PGBD5: variants seen among roughly 807,000 people sequenced by gnomAD.
The protein encoded by PGBD5 is piggyBac transposable element-derived protein 5.
In PGBD5, 14 loss-of-function variants were observed where a neutral mutation model predicts 47.9. The observed-to-expected ratio is 0.29, with a 90% CI of 0.19 to 0.46. The LOEUF is 0.46. Ranked by LOEUF, PGBD5 falls within the 20% of genes least tolerant of loss-of-function variation. PGBD5 has a pLI of 1.00. For missense variants in PGBD5, 635 were observed against 716.0 expected, an observed-to-expected ratio of 0.89 and a Z score of 1.29; for synonymous variants, 316 against 306.3, an observed-to-expected ratio of 1.03 and a Z score of -0.33.
At chr1:230,370,723 CCA>C (rs1667915451) in intron 1 of PGBD5, among the ~76,000 whole-genome samples, 1 of 152,214 alleles carries the variant, frequency 6.6e-6, no homozygotes. Context: ...CCCTTGACCA[CCA>C]CACTGTGGTC....
intron 2 of PGBD5, among the ~76,000 whole-genome samples, chr1:230,355,726 G>A (rs1458159950): frequency 6.6e-6 from 1 of 152,146 alleles, no homozygotes; most frequent in African/African-American, 2.4e-5. Flanking sequence ...GGGACTGTGG[G>A]CCTTACACTG....
At chr1:230,386,473 CTCT>C (rs1300801060) in intron 1 of PGBD5, among the ~76,000 whole-genome samples, 2 of 152,176 alleles carry the variant, frequency 1.3e-5, no homozygotes, top group Non-Finnish European at 2.9e-5. Context: ...GTAGAAGATG[CTCT>C]TCTTAAGAGC....
In PGBD5 at chr1:230,349,219, T is replaced by C. The variant is rs533355755; in HGVS notation, c.894+1739A>G. 2.0e-5 allele frequency among the ~76,000 whole-genome samples: 3 copies of C among 152,278 alleles called. 1 individual carries two copies. The highest frequency in any genetic ancestry group is 2.0e-4 in the Admixed American group (3 of 15,292). On this transcript the variant is annotated intron_variant, in intron 3 of 6. Coordinates refer to ENST00000391860, the MANE Select transcript of PGBD5 (RefSeq NM_001258311.2). ...GTGCCAGATGCACACAGGATCCGCATGTAAACATTTATTCCAAAGCTACAC... is the reference window on the plus strand; with the variant it reads ...GTGCCAGATGCACACAGGATCCGCACGTAAACATTTATTCCAAAGCTACAC...
At chr1:230,330,943 C>T (rs184925079) in intron 5 of PGBD5, among the ~76,000 whole-genome samples, 109 of 152,330 alleles carry the variant, frequency 7.2e-4, no homozygotes, top group Non-Finnish European at 3.8e-4. Flanking sequence ...CCTTTGGTGT[C>T]TGCTTTAAGA....
intron 1 of PGBD5, chr1:230,362,142 C>T: frequency 8.4e-7 from 1 of 1,185,664 alleles, no homozygotes; most frequent in East Asian, 5.9e-5. Flanking sequence ...CTGTGAGCAC[C>T]ACGTGACCAT....
intron 1 of PGBD5, among the ~76,000 whole-genome samples, chr1:230,399,913 A>C (rs74146014): frequency 0.09 from 13,707 of 152,276 alleles, 1,000 homozygotes; most frequent in East Asian, 0.21. Context: ...ATCTCTTGCC[A>C]GGTTATGGCG....
intron 1 of PGBD5, among the ~76,000 whole-genome samples, chr1:230,374,106 G>A (rs912678993): frequency 1.3e-5 from 2 of 152,220 alleles, no homozygotes; most frequent in Non-Finnish European, 2.9e-5. Context: ...GAATGTTCTT[G>A]AGGAATATTT....
intron 1 of PGBD5, among the ~76,000 whole-genome samples, chr1:230,403,049 T>TA (rs1219909218): frequency 6.6e-6 from 1 of 152,224 alleles, no homozygotes; most frequent in East Asian, 1.9e-4. Flanking sequence ...GTGAGGTCGT[T>TA]AGAGTCCTAT....
intron 6 of PGBD5, among the ~76,000 whole-genome samples, chr1:230,324,923 C>A (rs1408823711): frequency 6.6e-6 from 1 of 152,174 alleles, no homozygotes; most frequent in Non-Finnish European, 1.5e-5. Flanking sequence ...CGAGCTGATG[C>A]CCAGTGTGTT....
At chr1:230,400,403 T>C (rs903447139) in intron 1 of PGBD5, among the ~76,000 whole-genome samples, 1 of 151,886 alleles carries the variant, frequency 6.6e-6, no homozygotes, top group African/African-American at 2.4e-5. Flanking sequence ...CTTTTTAACA[T>C]GCCATCTGCT....
rs184352965 is a variant in PGBD5 at position 230,345,512 on chromosome 1, G to A, written c.894+5446C>T. Among the ~76,000 whole-genome samples, 13 of 152,366 alleles carry A rather than the reference G, an allele frequency of 8.5e-5. 1 individual carries two copies. In the East Asian group the frequency reaches 2.3e-3, roughly 27 times the overall value. ...CCTCTGCAAACAGGGTAGGGCTGGA[G>A]GGTATTCTGGGGTCTAGGTTAGTCC... On this transcript the variant is annotated intron_variant, in intron 3 of 6. Coordinates refer to ENST00000391860, the MANE Select transcript of PGBD5 (RefSeq NM_001258311.2).
chr1:230,346,785 C>T (rs1403137325), intron 3 of PGBD5, among the ~76,000 whole-genome samples: 1 of 152,164 alleles, frequency 6.6e-6, no homozygotes, highest in Non-Finnish European at 1.5e-5. Context: ...CGTACAGACA[C>T]ACCTCCGGTA....
chr1:230,379,713 T>G (rs1186541328), intron 1 of PGBD5, among the ~76,000 whole-genome samples: 2 of 152,258 alleles, frequency 1.3e-5, no homozygotes, highest in Non-Finnish European at 2.9e-5. Context: ...CTCCTTCCTC[T>G]GCACCCTCGT....
chr1:230,408,178 T>C (rs779757666), intron 1 of PGBD5, among the ~76,000 whole-genome samples: 5 of 152,228 alleles, frequency 3.3e-5, no homozygotes, highest in African/African-American at 4.8e-5. Context: ...GGTTATTATA[T>C]CTATACTACA....
At chr1:230,401,911 C>T (rs1271281356) in intron 1 of PGBD5, among the ~76,000 whole-genome samples, 2 of 152,140 alleles carry the variant, frequency 1.3e-5, no homozygotes, top group East Asian at 3.9e-4. Context: ...AGAGGCAAGG[C>T]TGCTGGCCTT....
chr1:230,410,491 G>A (rs991178269), intron 1 of PGBD5, among the ~76,000 whole-genome samples: 7 of 151,988 alleles, frequency 4.6e-5, no homozygotes, highest in African/African-American at 9.7e-5. Context: ...AGGATACTTC[G>A]TTGATCACAA....
intron 1 of PGBD5, among the ~76,000 whole-genome samples, chr1:230,420,784 A>C (rs1287117692): frequency 1.3e-5 from 2 of 152,378 alleles, no homozygotes; most frequent in East Asian, 3.9e-4. Flanking sequence ...CAGCAGCATG[A>C]AAATGGAGTA....
chr1:230,363,768 G>T (rs759532682), intron 1 of PGBD5, among the ~76,000 whole-genome samples: 1 of 152,076 alleles, frequency 6.6e-6, no homozygotes, highest in Admixed American at 6.6e-5. Context: ...TAAGAGGATG[G>T]AATCATTTAT....
At chr1:230,399,688 G>C (rs557671821) in intron 1 of PGBD5, among the ~76,000 whole-genome samples, 7 of 152,246 alleles carry the variant, frequency 4.6e-5, no homozygotes, top group Non-Finnish European at 7.3e-5. Flanking sequence ...GTAGGGTCAA[G>C]TGGCTGAAGG....
Sources: gnomAD v4.1 joint callset for allele counts (sites outside exome capture counted in the v4.1 genomes callset) on GRCh38, gnomAD v4.1.1 for gene constraint, MANE v1.5 for transcripts, NCBI Gene and HGNC (gene_info 2026-07-23, HGNC 2026-07-21) for gene names.